Variants in MCCC2 observed in about 807,000 individuals in gnomAD.
MCCC2 encodes the protein methylcrotonyl-CoA carboxylase subunit 2.
Under a neutral mutation model 77.2 loss-of-function variants are expected in MCCC2, and 52 were observed. That is an observed-to-expected ratio of 0.67 (90% CI 0.54 to 0.85). MCCC2 has a LOEUF of 0.85. MCCC2 is among the 40% of genes least tolerant of loss of function. MCCC2 has a pLI of 0.00. For missense variants in MCCC2, 682 were observed against 703.2 expected, an observed-to-expected ratio of 0.97 and a Z score of 0.34; for synonymous variants, 253 against 248.4, an observed-to-expected ratio of 1.02 and a Z score of -0.18.
At chr5:71,618,005 C>A (rs1746223573) in intron 6 of MCCC2, among the ~76,000 whole-genome samples, 1 of 152,066 alleles carries the variant, frequency 6.6e-6, no homozygotes, top group Non-Finnish European at 1.5e-5. Context: ...GATTTTAAGA[C>A]CCCTTAATCG....
At position 71,602,587 on chromosome 5, in the gene MCCC2, G is replaced by A. The variant is rs184731247; in HGVS notation, c.465G>A (p.Arg155=). The change falls in exon 5 of 17, where the codon CGG becomes CGA. Residue 155 remains arginine (R), a synonymous_variant. Coordinates refer to ENST00000340941, the MANE Select transcript of MCCC2 (RefSeq NM_022132.5). Reference sequence around the variant, plus strand: ...CAGTGACTGTGAAAAAACAATTACGGGCCCAAGAAATTGCCATGCAAAACA... The same window carrying A: ...CAGTGACTGTGAAAAAACAATTACGAGCCCAAGAAATTGCCATGCAAAACA... ...YYPVTVKKQL[R]AQEIAMQNRL... The A allele has an allele frequency of 1.2e-6, 2 of 1,614,104 alleles. No homozygotes were observed. The highest frequency in any genetic ancestry group is 1.7e-6 in the Non-Finnish European group (2 of 1,180,014).
rs2112437581 is a variant in MCCC2, at chr5:71,634,994, C to CT, written c.857dup (p.Leu286PhefsTer3). 6.2e-7 allele frequency: 1 copy of CT among 1,614,102 alleles called. No individual in the cohort carries two copies. The highest frequency in any genetic ancestry group is 2.2e-5 in the East Asian group (1 of 44,868). On this transcript the variant is annotated frameshift_variant, in exon 9 of 17. Coordinates refer to ENST00000340941, the MANE Select transcript of MCCC2 (RefSeq NM_022132.5). LOFTEE classifies it high-confidence loss of function. ...CTTTGGATGATCATCATGCCCTTCA[C>CT]TTAACTAGGAAGGTTGTGAGGAATC...
chr5:71,648,694 A>T (rs1272106210), intron 13 of MCCC2, among the ~76,000 whole-genome samples: 1 of 152,134 alleles, frequency 6.6e-6, no homozygotes, highest in Non-Finnish European at 1.5e-5. Context: ...ATTTATTTTT[A>T]AATAGAGGTA....
chr5:71,617,227 T>A (rs157192), intron 6 of MCCC2, among the ~76,000 whole-genome samples: 48,465 of 152,028 alleles, frequency 0.32, 8,501 homozygotes, highest in East Asian at 0.51. Flanking sequence ...CTCTTTCCCC[T>A]CATCCTCCTG....
At chr5:71,628,228 G>T (rs554428065) in intron 7 of MCCC2, among the ~76,000 whole-genome samples, 10 of 152,234 alleles carry the variant, frequency 6.6e-5, no homozygotes, top group South Asian at 2.1e-4. Flanking sequence ...TTTTTAAATT[G>T]GGCTATTTGT....
chr5:71,613,332 C>T (rs1468018590), intron 6 of MCCC2, among the ~76,000 whole-genome samples: 2 of 152,128 alleles, frequency 1.3e-5, no homozygotes, highest in Admixed American at 1.3e-4. Flanking sequence ...AGTCTCTATT[C>T]CTGTGGAACT....
chr5:71,615,238 G>A (rs948358245), intron 6 of MCCC2, among the ~76,000 whole-genome samples: 1 of 152,180 alleles, frequency 6.6e-6, no homozygotes, highest in African/African-American at 2.4e-5. Flanking sequence ...CAGAGTGCTA[G>A]GATTATAGGC....
At chr5:71,618,775 C>T (rs537966617) in intron 6 of MCCC2, among the ~76,000 whole-genome samples, 2 of 152,250 alleles carry the variant, frequency 1.3e-5, no homozygotes, top group South Asian at 4.2e-4. Flanking sequence ...GTTTCCATGT[C>T]TGGCTTTTTA....
intron 6 of MCCC2, among the ~76,000 whole-genome samples, chr5:71,622,220 G>A (rs1019820215): frequency 5.3e-5 from 8 of 151,500 alleles, no homozygotes; most frequent in Non-Finnish European, 7.4e-5. Flanking sequence ...CTCATGTAAC[G>A]TCTTTGTTGT....
intron 1 of MCCC2, among the ~76,000 whole-genome samples, chr5:71,587,947 G>T (rs1457256204): frequency 6.6e-6 from 1 of 152,104 alleles, no homozygotes; most frequent in Non-Finnish European, 1.5e-5. Context: ...AACGAGGGGC[G>T]CTGTGCTTAG....
chr5:71,656,466 G>A (rs1253893525), intron 16 of MCCC2, among the ~76,000 whole-genome samples: 3 of 152,142 alleles, frequency 2.0e-5, no homozygotes, highest in African/African-American at 7.2e-5. Context: ...TGTCAAATTA[G>A]GGGTTACTTT....
At position 71,648,516 on chromosome 5, in the gene MCCC2, T is replaced by G. The variant is rs779605312; in HGVS notation, c.1217-581T>G. On this transcript the variant is annotated intron_variant, in intron 13 of 16. Coordinates refer to ENST00000340941, the MANE Select transcript of MCCC2 (RefSeq NM_022132.5). ...CATTCATCTTTATGTCTTCAAAGTTTCAAAGCATCACTTTAGAAAGAACAG... is the reference window on the plus strand; with the variant it reads ...CATTCATCTTTATGTCTTCAAAGTTGCAAAGCATCACTTTAGAAAGAACAG... Among the ~76,000 whole-genome samples the G allele has an allele frequency of 5.9e-5, 9 of 152,310 alleles. 1 individual carries two copies. The highest frequency in any genetic ancestry group is 2.0e-4 in the Admixed American group (3 of 15,300).
intron 11 of MCCC2, among the ~76,000 whole-genome samples, chr5:71,642,794 A>G (rs1271273067): frequency 2.6e-5 from 4 of 152,204 alleles, no homozygotes; most frequent in African/African-American, 9.6e-5. Flanking sequence ...ACTGAAATAC[A>G]TGTAGGTGGC....
At chr5:71,598,961 G>A (rs1419113653) in intron 3 of MCCC2, among the ~76,000 whole-genome samples, 1 of 151,100 alleles carries the variant, frequency 6.6e-6, no homozygotes, top group East Asian at 2.0e-4. Flanking sequence ...GTTTCCCCGT[G>A]TTGCTCAGGC....
chr5:71,650,272 G>A, intron 15 of MCCC2, 89 bp downstream of exon 15: 1 of 1,079,450 alleles, frequency 9.3e-7, no homozygotes, highest in Non-Finnish European at 1.4e-6. Flanking sequence ...GGAAGCCCTT[G>A]GTGTTCATGG....
rs548148386 is a variant in MCCC2, at chr5:71,655,080, C to T, written c.1575-1663C>T. On this transcript the variant is annotated intron_variant, in intron 16 of 16. Transcript: ENST00000340941. ...AACTCCCAACCTCAGGTGATCCACCCGCCTCGGCTTCCCAAAGTACTGGGA... is the reference window on the plus strand; with the variant it reads ...AACTCCCAACCTCAGGTGATCCACCTGCCTCGGCTTCCCAAAGTACTGGGA... Among the ~76,000 whole-genome samples the T allele has an allele frequency of 2.6e-3, 395 of 152,254 alleles. 3 individuals carry two copies. Among genetic ancestry groups the T allele is most frequent in the African/African-American group, 8.5e-3 (352 of 41,548 alleles).
At chr5:71,604,222 A>T (rs1373306344) in intron 5 of MCCC2, 134 bp from the exon 6 acceptor site, 6 of 750,906 alleles carry the variant, frequency 8.0e-6, no homozygotes, top group Middle Eastern at 2.5e-4. Flanking sequence ...ACGAGGCTCT[A>T]TAACAGTTTA....
chr5:71,609,028 A>G (rs1036637155), intron 6 of MCCC2, among the ~76,000 whole-genome samples: 1 of 151,996 alleles, frequency 6.6e-6, no homozygotes, highest in Non-Finnish European at 1.5e-5. Flanking sequence ...ACTTTGGTGA[A>G]TCTGACAATT....
intron 8 of MCCC2, among the ~76,000 whole-genome samples, chr5:71,632,850 A>G (rs939007607): frequency 1.3e-5 from 2 of 152,100 alleles, no homozygotes; most frequent in Non-Finnish European, 2.9e-5. Flanking sequence ...ATGTTAGGTT[A>G]GAGTGCAGGG....
Sources: gnomAD v4.1 joint callset for allele counts (sites outside exome capture counted in the v4.1 genomes callset) on GRCh38, gnomAD v4.1.1 for gene constraint, MANE v1.5 for transcripts, NCBI Gene and HGNC (gene_info 2026-07-23, HGNC 2026-07-21) for gene names.